The following SLC5A1 variants were observed in gnomAD, a reference collection of about 807,000 sequenced individuals.
SLC5A1 encodes sodium/glucose cotransporter 1.
SLC5A1 carries 42 observed loss-of-function variants against 73.5 expected under a neutral mutation model. That is an observed-to-expected ratio of 0.57 (90% confidence interval 0.45 to 0.74). SLC5A1 has a LOEUF of 0.74. Among genes scored for constraint, SLC5A1 ranks in the 30% least tolerant of loss-of-function variants. The pLI, the probability that SLC5A1 is intolerant of heterozygous loss-of-function variation, is 0.00. For synonymous variants in SLC5A1, 300 were observed against 317.4 expected (o/e 0.95, Z 0.58); for missense variants, 634 against 855.4 (o/e 0.74, Z 3.23).
intron 5 of SLC5A1, among the ~76,000 whole-genome samples, chr22:32,075,315 C>G (rs1280397449): frequency 1.3e-5 from 2 of 152,120 alleles, no homozygotes. Context: ...AAAGCCAGAA[C>G]TGGGAGCAGG....
At chr22:32,101,129 A>G (rs1399035033) in intron 12 of SLC5A1, among the ~76,000 whole-genome samples, 2 of 152,212 alleles carry the variant, frequency 1.3e-5, no homozygotes, top group African/African-American at 2.4e-5. Context: ...GGGATAGCTG[A>G]TAATTTGGAA....
chr22:32,093,262 C>T (rs2094020942), intron 11 of SLC5A1, among the ~76,000 whole-genome samples: 1 of 151,414 alleles, frequency 6.6e-6, no homozygotes, highest in Non-Finnish European at 1.5e-5. Flanking sequence ...GTTCTTTTTG[C>T]TTAGTCTTGC....
intron 10 of SLC5A1, among the ~76,000 whole-genome samples, chr22:32,088,463 A>G (rs927863783): frequency 1.3e-5 from 2 of 150,568 alleles, no homozygotes; most frequent in Non-Finnish European, 2.9e-5. Context: ...TAGCCTCTGT[A>G]GTAGCTGGGA....
rs142140909 is a variant in SLC5A1, at chr22:32,110,129, G to A, written c.1911G>A (p.Glu637=). ...AGATGAAGATGACGGACACCTCTGA[G>A]AAGCCTTTGTGGAGGACAGTGTTGA... is the stretch of plus-strand genomic sequence containing the variant. The part of the protein sequence containing the change: ...AMKMKMTDTS[E]KPLWRTVLNV... The change falls in exon 15 of 15, where the codon GAG becomes GAA. Residue 637 remains glutamate, a synonymous_variant. Coordinates refer to ENST00000266088, the MANE Select transcript of SLC5A1 (RefSeq NM_000343.4). 6.2e-7 allele frequency: 1 copy of A among 1,614,190 alleles called. No individual in the cohort carries two copies.
At position 32,102,236 on chromosome 22, in the gene SLC5A1, A is replaced by AT; in HGVS notation, c.1665dup (p.Leu556SerfsTer17). 1 of 1,608,180 alleles carries AT rather than the reference A, an allele frequency of 6.2e-7. No individual in the cohort carries two copies. On this transcript the variant is annotated frameshift_variant and splice_region_variant, in exon 13 of 15. Transcript: ENST00000266088. LOFTEE classifies it high-confidence loss of function. Reference sequence around the variant, plus strand: ...CTCACCAAACCCATTCCGGATGTGCATGTGAGTATCCATTTAGGGGATCTG... The same window carrying AT: ...CTCACCAAACCCATTCCGGATGTGCATTGTGAGTATCCATTTAGGGGATCTG...
chr22:32,058,207 T>C (rs1342174070), intron 2 of SLC5A1, among the ~76,000 whole-genome samples: 1 of 152,178 alleles, frequency 6.6e-6, no homozygotes, highest in African/African-American at 2.4e-5. Context: ...TTCAAAGCTA[T>C]AATTTTAATG....
intron 12 of SLC5A1, among the ~76,000 whole-genome samples, chr22:32,101,250 G>A (rs1396213526): frequency 1.3e-5 from 2 of 152,028 alleles, no homozygotes; most frequent in East Asian, 3.9e-4. Context: ...TTTGCCACTG[G>A]CCTGCCAAAC....
chr22:32,105,174 A>G (rs1305809279), intron 14 of SLC5A1, among the ~76,000 whole-genome samples: 1 of 152,112 alleles, frequency 6.6e-6, no homozygotes, highest in East Asian at 1.9e-4. Flanking sequence ...GGTACGTGAG[A>G]TGTTCTGATG....
At position 32,111,006 on chromosome 22, in the gene SLC5A1, T is replaced by C. The variant is rs2094055960; in HGVS notation, c.*793T>C. 6.6e-6 allele frequency: 1 copy of C among 152,320 alleles called. No homozygotes were observed. Among genetic ancestry groups the C allele is most frequent in the African/African-American group, 2.4e-5 (1 of 41,456 alleles). 9.4% of individuals were successfully genotyped at this position (152,320 alleles called of 1,614,324 possible). On this transcript the variant is annotated 3_prime_UTR_variant, in exon 15 of 15. Coordinates refer to ENST00000266088, the MANE Select transcript of SLC5A1 (RefSeq NM_000343.4). ...ATGCGTGTTGAATAAATGAATGACA[T>C]AGGCATTTATTTTTAAATCTTTGCT...
At chr22:32,108,128 A>G (rs1405964497) in intron 14 of SLC5A1, among the ~76,000 whole-genome samples, 1 of 146,840 alleles carries the variant, frequency 6.8e-6, no homozygotes, top group African/African-American at 2.6e-5. Context: ...TTTTTTTGAG[A>G]CAGAGTCTCA....
At chr22:32,060,369 T>C (rs1003883547) in intron 2 of SLC5A1, among the ~76,000 whole-genome samples, 7 of 152,022 alleles carry the variant, frequency 4.6e-5, no homozygotes, top group African/African-American at 1.7e-4. Flanking sequence ...TTTTTTTGTA[T>C]TTTTAGTAGA....
At chr22:32,102,690 C>T (rs2094038627) in intron 13 of SLC5A1, among the ~76,000 whole-genome samples, 1 of 152,122 alleles carries the variant, frequency 6.6e-6, no homozygotes, top group Non-Finnish European at 1.5e-5. Context: ...TATTTTTGTA[C>T]CCATTAACCA....
At chr22:32,102,816 C>T (rs1379202624) in intron 13 of SLC5A1, among the ~76,000 whole-genome samples, 4 of 152,148 alleles carry the variant, frequency 2.6e-5, no homozygotes, top group Non-Finnish European at 4.4e-5. Flanking sequence ...ATGGTGAGAA[C>T]ATGAGAAATT....
At chr22:32,091,505 A>T in intron 10 of SLC5A1, 107 bp from the exon 11 acceptor site, 1 of 1,271,628 alleles carries the variant, frequency 7.9e-7, no homozygotes, top group Non-Finnish European at 1.1e-6. Flanking sequence ...ATTGGATAAC[A>T]TGGCATGGTT....
intron 13 of SLC5A1, 125 bp downstream of exon 13, chr22:32,102,362 TG>T (rs1569317412): frequency 1.3e-6 from 1 of 748,096 alleles, no homozygotes; most frequent in Non-Finnish European, 2.3e-6. Flanking sequence ...GTACATGTAA[TG>T]TTTTGATACA....
chr22:32,069,616 AATAT>A (rs1203524631), intron 5 of SLC5A1, among the ~76,000 whole-genome samples: 1 of 152,128 alleles, frequency 6.6e-6, no homozygotes, highest in Non-Finnish European at 1.5e-5. Context: ...GCCATCCCAT[AATAT>A]ATAGTTTAAA....
intron 11 of SLC5A1, among the ~76,000 whole-genome samples, chr22:32,097,843 G>T (rs947915711): frequency 3.3e-5 from 5 of 152,114 alleles, no homozygotes; most frequent in African/African-American, 1.2e-4. Context: ...TGAAAAGGGA[G>T]AAAATATTTG....
chr22:32,075,041 C>T (rs1188227125), intron 5 of SLC5A1, among the ~76,000 whole-genome samples: 2 of 151,236 alleles, frequency 1.3e-5, no homozygotes, highest in East Asian at 3.9e-4. Context: ...AGACTACATC[C>T]ATGTGCCACC....
chr22:32,094,706 T>C (rs2094023543), intron 11 of SLC5A1, among the ~76,000 whole-genome samples: 1 of 152,204 alleles, frequency 6.6e-6, no homozygotes, highest in African/African-American at 2.4e-5. Flanking sequence ...TCATTTCTAA[T>C]TGTGCTTATT....
Sources: gnomAD v4.1 joint callset for allele counts (sites outside exome capture counted in the v4.1 genomes callset) on GRCh38, gnomAD v4.1.1 for gene constraint, MANE v1.5 for transcripts, NCBI Gene and HGNC (gene_info 2026-07-23, HGNC 2026-07-21) for gene names.